Variants in PLCB1 observed in about 807,000 individuals in gnomAD.
PLCB1 encodes phospholipase C beta 1.
PLCB1 carries 46 observed loss-of-function variants against 161.8 expected under a neutral mutation model. The observed-to-expected ratio is 0.28, with a 90% CI of 0.22 to 0.36. PLCB1 has a LOEUF of 0.36. Ranked by LOEUF, PLCB1 falls within the 10% of genes least tolerant of loss-of-function variation. The probability of loss-of-function intolerance (pLI) is 1.00; values close to 1 mark genes in which losing one functional copy is unlikely to be tolerated. For synonymous variants in PLCB1, 517 were observed against 503.7 expected (o/e 1.03, Z -0.35); for missense variants, 1,016 against 1,472.5 (o/e 0.69, Z 5.07).
At chr20:8,754,899 A>AC (rs1368933002) in intron 23 of PLCB1, among the ~76,000 whole-genome samples, 1 of 152,236 alleles carries the variant, frequency 6.6e-6, no homozygotes, top group Non-Finnish European at 1.5e-5. Flanking sequence ...TGTCTTGCTG[A>AC]ACAACACATA....
chr20:8,545,494 C>T (rs910653430), intron 3 of PLCB1, among the ~76,000 whole-genome samples: 7 of 151,962 alleles, frequency 4.6e-5, no homozygotes, highest in Non-Finnish European at 4.4e-5. Context: ...TTGGGACAGA[C>T]CAGTGGTAGG....
At chr20:8,388,127 AG>A (rs1987483506) in intron 3 of PLCB1, among the ~76,000 whole-genome samples, 1 of 152,108 alleles carries the variant, frequency 6.6e-6, no homozygotes, top group Admixed American at 6.6e-5. Context: ...ATTTCCTTCT[AG>A]CTTTTCTTTT....
intron 11 of PLCB1, among the ~76,000 whole-genome samples, chr20:8,707,025 A>G (rs1462102524): frequency 6.6e-6 from 1 of 152,224 alleles, no homozygotes; most frequent in African/African-American, 2.4e-5. Flanking sequence ...TAAATCAAAT[A>G]TAGCATTTAA....
At chr20:8,286,606 T>A (rs1412466026) in intron 2 of PLCB1, among the ~76,000 whole-genome samples, 1 of 152,222 alleles carries the variant, frequency 6.6e-6, no homozygotes, top group Non-Finnish European at 1.5e-5. Flanking sequence ...TTACAGTTCC[T>A]TCCATGTGAA....
intron 25 of PLCB1, among the ~76,000 whole-genome samples, chr20:8,764,200 A>G (rs2123583024): frequency 6.6e-6 from 1 of 152,266 alleles, no homozygotes; most frequent in South Asian, 2.1e-4. Flanking sequence ...TCATAATAAT[A>G]TAGTAAAGTG....
intron 6 of PLCB1, among the ~76,000 whole-genome samples, chr20:8,648,942 A>T (rs1360475235): frequency 1.4e-5 from 1 of 71,738 alleles, no homozygotes; most frequent in East Asian, 2.4e-4. Flanking sequence ...CCCTGTCTCT[A>T]AAAAAAAAAA....
At chr20:8,718,178 C>A (rs371862941) in intron 14 of PLCB1, among the ~76,000 whole-genome samples, 8 of 152,084 alleles carry the variant, frequency 5.3e-5, no homozygotes. Context: ...CAAGATCCAG[C>A]CACTGCACTC....
At chr20:8,326,584 T>G (rs1161304893) in intron 2 of PLCB1, among the ~76,000 whole-genome samples, 1 of 152,254 alleles carries the variant, frequency 6.6e-6, no homozygotes, top group Non-Finnish European at 1.5e-5. Flanking sequence ...AAAAGTTTGT[T>G]GGTGACTTAG....
intron 11 of PLCB1, among the ~76,000 whole-genome samples, chr20:8,699,098 G>A (rs973867327): frequency 4.6e-5 from 7 of 152,244 alleles, no homozygotes; most frequent in East Asian, 1.9e-4. Context: ...TGTTCTCTCC[G>A]CTGACTCCGG....
chr20:8,410,868 C>T (rs1979012265), intron 3 of PLCB1, among the ~76,000 whole-genome samples: 1 of 152,094 alleles, frequency 6.6e-6, no homozygotes, highest in Non-Finnish European at 1.5e-5. Context: ...TTGACACAGA[C>T]AGAGGAGGAG....
At position 8,829,065 on chromosome 20, in the gene PLCB1, G is replaced by A. The variant is rs570908540; in HGVS notation, c.3423+38804G>A. Among the ~76,000 whole-genome samples the A allele has an allele frequency of 7.2e-5, 11 of 152,268 alleles. No individual in the cohort carries two copies. The South Asian group carries it at 1.2e-3, about 17-fold the overall frequency. ...TAAAGCAAGTATGGTGAAATGCTACGGGTGGAATCTATGTGGTAGGTATAT... is the reference window on the plus strand; with the variant it reads ...TAAAGCAAGTATGGTGAAATGCTACAGGTGGAATCTATGTGGTAGGTATAT... On this transcript the variant is annotated intron_variant, in intron 31 of 31. Coordinates refer to ENST00000338037, the MANE Select transcript of PLCB1 (RefSeq NM_015192.4).
chr20:8,831,103 A>G (rs11908674), intron 31 of PLCB1: 33,209 of 152,086 alleles, frequency 0.22, 4,291 homozygotes, highest in Middle Eastern at 0.32. Flanking sequence ...TGCTCTTATT[A>G]CTAATTAGAT....
At chr20:8,614,610 G>C (rs948666120) in intron 3 of PLCB1, among the ~76,000 whole-genome samples, 107 of 151,728 alleles carry the variant, frequency 7.1e-4, no homozygotes, top group Non-Finnish European at 1.0e-3. Context: ...GTGTGTGTGT[G>C]TGTGTGTGTG....
intron 16 of PLCB1, among the ~76,000 whole-genome samples, chr20:8,726,940 A>G (rs1165455012): frequency 1.3e-5 from 2 of 152,100 alleles, no homozygotes; most frequent in African/African-American, 4.8e-5. Flanking sequence ...GTTAAACCCC[A>G]TATTGGCCCT....
Position 8,351,917 on chromosome 20 carries a change from A to G in PLCB1, c.178-19465A>G, listed in dbSNP as rs1044526443. 1.5e-4 allele frequency among the ~76,000 whole-genome samples: 23 copies of G among 152,116 alleles called. 1 individual carries two copies. The highest frequency in any genetic ancestry group is 2.1e-4 in the South Asian group (1 of 4,834). The stretch of plus-strand genomic sequence containing the variant: ...GGTTGCAAAATGGGTATAATGAAAT[A>G]TAATACAGTTTAGCAGTTTCTTATA... On this transcript the variant is annotated intron_variant, in intron 2 of 31. Coordinates refer to ENST00000338037, the MANE Select transcript of PLCB1 (RefSeq NM_015192.4).
At chr20:8,147,539 T>C (rs998877238) in intron 1 of PLCB1, among the ~76,000 whole-genome samples, 6 of 152,184 alleles carry the variant, frequency 3.9e-5, no homozygotes, top group African/African-American at 9.7e-5. Flanking sequence ...GGGGAGAATA[T>C]AGATACTAGC....
At chr20:8,737,393 A>G (rs1441320990) in intron 20 of PLCB1, among the ~76,000 whole-genome samples, 1 of 152,200 alleles carries the variant, frequency 6.6e-6, no homozygotes, top group Admixed American at 6.5e-5. Context: ...TGTATTGTAA[A>G]TCAATTCATT....
At chr20:8,452,684 G>T (rs1342219043) in intron 3 of PLCB1, among the ~76,000 whole-genome samples, 1 of 152,198 alleles carries the variant, frequency 6.6e-6, no homozygotes, top group Non-Finnish European at 1.5e-5. Context: ...AGAAGCATTT[G>T]ATTCTGTCCA....
chr20:8,263,671 T>C (rs1981818383), intron 2 of PLCB1, among the ~76,000 whole-genome samples: 1 of 152,222 alleles, frequency 6.6e-6, no homozygotes. Flanking sequence ...AGCATATTAC[T>C]GTGCTGAATA....
Sources: gnomAD v4.1 joint callset for allele counts (sites outside exome capture counted in the v4.1 genomes callset) on GRCh38, gnomAD v4.1.1 for gene constraint, MANE v1.5 for transcripts, NCBI Gene and HGNC (gene_info 2026-07-23, HGNC 2026-07-21) for gene names.